Variants in TNC observed in about 807,000 individuals in gnomAD.
TNC encodes the protein tenascin C, also known as tenascin.
A neutral mutation model predicts 202.4 loss-of-function variants in TNC; 109 were observed. The observed-to-expected ratio is 0.54, with a 90% CI of 0.46 to 0.63. The LOEUF (loss-of-function observed/expected upper bound fraction) is 0.63. Ranked by LOEUF, TNC falls within the 30% of genes least tolerant of loss-of-function variation. The probability of loss-of-function intolerance (pLI) is 0.00; values close to 1 mark genes in which losing one functional copy is unlikely to be tolerated. For synonymous variants in TNC, 1,007 were observed against 1,089.7 expected (o/e 0.92, Z 1.50); for missense variants, 2,756 against 2,833.3 (o/e 0.97, Z 0.62).
At chr9:115,027,102 C>A (rs564603005) in intron 25 of TNC, among the ~76,000 whole-genome samples, 1 of 122,526 alleles carries the variant, frequency 8.2e-6, no homozygotes, top group East Asian at 2.4e-4. Context: ...GAGCAAGACT[C>A]CATCTCAGAA....
intron 19 of TNC, among the ~76,000 whole-genome samples, 192 bp downstream of exon 19, chr9:115,040,749 G>A (rs530066443): frequency 5.9e-5 from 9 of 152,176 alleles, no homozygotes; most frequent in Non-Finnish European, 1.2e-4. Flanking sequence ...AGGCTGGGAT[G>A]GGCCAGAAGA....
intron 25 of TNC, 48 bp downstream of exon 25, chr9:115,029,312 G>C (rs1454789242): frequency 3.2e-6 from 5 of 1,560,918 alleles, no homozygotes; most frequent in Non-Finnish European, 4.4e-6. Context: ...AAGTGACAAG[G>C]AGGGCAGAAT....
intron 16 of TNC, 80 bp from the exon 17 acceptor site, chr9:115,046,762 G>C (rs949986751): frequency 6.6e-7 from 1 of 1,513,800 alleles, no homozygotes; most frequent in African/African-American, 1.4e-5. Flanking sequence ...TCCAGTAGGG[G>C]TATCAATATG....
chr9:115,103,407 T>C (rs1198670812), intron 1 of TNC, among the ~76,000 whole-genome samples: 2 of 152,324 alleles, frequency 1.3e-5, no homozygotes, highest in East Asian at 3.9e-4. Context: ...CCCTTTCTCA[T>C]TTTAAATTTT....
chr9:115,037,952 T>C (rs1830454901), intron 20 of TNC, among the ~76,000 whole-genome samples: 1 of 152,254 alleles, frequency 6.6e-6, no homozygotes, highest in Non-Finnish European at 1.5e-5. Context: ...TTTTCTTCTT[T>C]GTAAAAGATG....
rs765332238 is a variant in TNC at position 115,064,068 on chromosome 9, C to A, written c.3488G>T (p.Gly1163Val). 6.2e-7 allele frequency: 1 copy of A among 1,601,590 alleles called. No homozygotes were observed. Among genetic ancestry groups the A allele is most frequent in the Non-Finnish European group, 8.5e-7 (1 of 1,172,348 alleles). ...GACCTCTCCCAAATTGGGAGTTTCCCCTGGAGAAGGACAAAGAACTAGTTT... is the reference window on the plus strand; with the variant it reads ...GACCTCTCCCAAATTGGGAGTTTCCACTGGAGAAGGACAAAGAACTAGTTT... ...TPVLSAEAST[G>V]ETPNLGEVVV... The change falls in exon 12 of 28, where the codon GGG (glycine) becomes GTG (valine). Residue 1163 changes from glycine (G) to valine (V), a missense_variant and splice_region_variant. By Grantham distance (109) the Gly-to-Val change is moderately radical. Around this residue, in one of 2 missense-constraint regions of TNC, gnomAD observed 2,559 missense variants for 2,546.0 expected, o/e 1.01. Transcript: ENST00000350763.
chr9:115,082,634 C>T, intron 5 of TNC, 58 bp downstream of exon 5: 1 of 1,299,086 alleles, frequency 7.7e-7, no homozygotes, highest in East Asian at 2.3e-5. Context: ...CTTCAGAACC[C>T]TTTGGTCATC....
rs774389974 is a variant in TNC, at chr9:115,035,281, G to A, written c.5710C>T (p.Leu1904Phe). 3.7e-6 allele frequency: 6 copies of A among 1,613,666 alleles called. No individual in the cohort carries two copies. The highest frequency in any genetic ancestry group is 1.7e-6 in the Non-Finnish European group (2 of 1,179,784). ...TATEVQSETA[L>F]LTWRPPRASV... ...GCCCGGGGGGGTCGCCAGGTAAGGA[G>A]GGCAGTTTCCGACTGAACCTCAGTA... The change falls in exon 22 of 28, where the codon CTC (leucine) becomes TTC (phenylalanine). Residue 1904 changes from leucine to phenylalanine, a missense_variant. This residue lies in a region of TNC where 2,559 missense variants were observed against 2,546.0 expected (regional missense o/e 1.01). Coordinates refer to ENST00000350763, the MANE Select transcript of TNC (RefSeq NM_002160.4).
chr9:115,113,306 A>C (rs1837220748), intron 1 of TNC, among the ~76,000 whole-genome samples: 1 of 152,180 alleles, frequency 6.6e-6, no homozygotes, highest in African/African-American at 2.4e-5. Context: ...TTTGATTTTT[A>C]ACTCCACCAA....
rs1403776421 is a variant in TNC, at chr9:115,091,148, T to A, written c.-130A>T. 2.8e-6 allele frequency: 2 copies of A among 723,952 alleles called. No individual in the cohort carries two copies. The highest frequency in any genetic ancestry group is 4.4e-6 in the Non-Finnish European group (2 of 449,656). The allele number at this position is 723,952 out of a possible 1,614,324, so 44.8% of individuals were successfully genotyped here. A position where few individuals can be genotyped will look rare whatever the true frequency, so the allele number is the denominator to read the frequency against. On this transcript the variant is annotated 5_prime_UTR_variant, in exon 2 of 28. Coordinates refer to ENST00000350763, the MANE Select transcript of TNC (RefSeq NM_002160.4). Reference sequence around the variant, plus strand: ...GTTGTCCCTGATCTTCTTGAAAGAATTATTTTCTACAAGCAAAGATGAACA... The same window carrying A: ...GTTGTCCCTGATCTTCTTGAAAGAAATATTTTCTACAAGCAAAGATGAACA...
intron 22 of TNC, among the ~76,000 whole-genome samples, chr9:115,032,270 T>G (rs1021012970): frequency 6.6e-6 from 1 of 152,150 alleles, no homozygotes; most frequent in African/African-American, 2.4e-5. Context: ...GTTACTAGAT[T>G]ATGAAGGGCC....
rs746348554 is a variant in TNC at position 115,087,280 on chromosome 9, C to A, written c.458-7G>T. 1.2e-6 allele frequency: 2 copies of A among 1,609,024 alleles called. No homozygotes were observed. Among genetic ancestry groups the A allele is most frequent in the African/African-American group, 2.7e-5 (2 of 74,816 alleles). On this transcript the variant is annotated splice_polypyrimidine_tract_variant and splice_region_variant and intron_variant, in intron 2 of 27. Coordinates refer to ENST00000350763, the MANE Select transcript of TNC (RefSeq NM_002160.4). Reference sequence around the variant, plus strand: ...GGCCTGGTGTCCAAGCGGCCTGCAACAAAAGAAACAGAAGTTCTCAGCCAG... The same window carrying A: ...GGCCTGGTGTCCAAGCGGCCTGCAAAAAAAGAAACAGAAGTTCTCAGCCAG...
rs148063529 is a variant in TNC at position 115,096,486 on chromosome 9, C to T, written c.-136-5332G>A. On this transcript the variant is annotated intron_variant, in intron 1 of 27. Transcript: ENST00000350763. Reference sequence around the variant, plus strand: ...TGAGCAGTACTGGTTTAGAGGATTGCTTGTTTTTACTAAGCGCATGGTACA... The same window carrying T: ...TGAGCAGTACTGGTTTAGAGGATTGTTTGTTTTTACTAAGCGCATGGTACA... 2.0e-5 allele frequency among the ~76,000 whole-genome samples: 3 copies of T among 152,236 alleles called. No homozygotes were observed. In the East Asian group the frequency reaches 5.8e-4, roughly 29 times the overall value.
At chr9:115,096,335 C>A (rs1835788554) in intron 1 of TNC, among the ~76,000 whole-genome samples, 1 of 152,170 alleles carries the variant, frequency 6.6e-6, no homozygotes, top group Non-Finnish European at 1.5e-5. Flanking sequence ...AAATTAAATA[C>A]AATTAAAAAT....
Position 115,020,396 on chromosome 9 carries a change from CAGTCTTT to C in TNC, c.*754_*760del, listed in dbSNP as rs900802545. The C allele has an allele frequency of 6.1e-6, 1 of 163,488 alleles. No individual in the cohort carries two copies. The highest frequency in any genetic ancestry group is 2.4e-5 in the African/African-American group (1 of 41,514). 10.1% of individuals were successfully genotyped at this position (163,488 alleles called of 1,614,324 possible). ...TTAAAAAAAGTGCTTCCCTCTCTCC[CAGTCTTT>C]AGTCTCCTTTCCACCCCTCCCACTT... On this transcript the variant is annotated 3_prime_UTR_variant, in exon 28 of 28. Transcript: ENST00000350763.
intron 16 of TNC, 65 bp from the exon 17 acceptor site, chr9:115,046,747 T>C: frequency 3.8e-6 from 6 of 1,577,164 alleles, no homozygotes; most frequent in Non-Finnish European, 5.2e-6. Flanking sequence ...CCGTGCAATC[T>C]TCTCTCCAGT....
intron 8 of TNC, 101 bp downstream of exon 8, chr9:115,076,289 A>T: frequency 6.8e-7 from 1 of 1,470,800 alleles, no homozygotes; most frequent in Non-Finnish European, 9.4e-7. Context: ...AATTGGACTT[A>T]TTTCTGAGGG....
chr9:115,064,858 G>A lies in TNC; in HGVS notation c.3276C>T (p.Leu1092=). The change falls in exon 11 of 28, where the codon CTC becomes CTT. Residue 1092 remains leucine, a synonymous_variant. Transcript: ENST00000350763. ...AGGCCTGGTCAGCTGCGGTCCAGTT[G>A]AGTCTGAGGCCATCCCAGCCAACCT... is the stretch of plus-strand genomic sequence containing the variant. ...VTEVGWDGLR[L]NWTAADQAYE... The A allele has an allele frequency of 6.2e-7, 1 of 1,614,174 alleles. No individual in the cohort carries two copies. The highest frequency in any genetic ancestry group is 8.5e-7 in the Non-Finnish European group (1 of 1,180,032).
At chr9:115,040,181 A>T (rs886753343) in intron 19 of TNC, among the ~76,000 whole-genome samples, 2 of 152,214 alleles carry the variant, frequency 1.3e-5, no homozygotes, top group Non-Finnish European at 2.9e-5. Flanking sequence ...TTTTAGAAGG[A>T]TAGAGAGTTT....
Sources: allele counts gnomAD v4.1 joint callset (sites outside exome capture counted in the v4.1 genomes callset), GRCh38; gene constraint gnomAD v4.1.1; regional missense constraint gnomAD v4.1.1; transcripts MANE v1.5; gene names NCBI Gene and HGNC (gene_info 2026-07-23, HGNC 2026-07-21).